GADL1: variants seen among roughly 807,000 people sequenced by gnomAD.
The protein encoded by GADL1 is acidic amino acid decarboxylase GADL1.
Under a neutral mutation model 69.5 loss-of-function variants are expected in GADL1, and 71 were observed. The observed-to-expected ratio is 1.02, with a 90% CI of 0.84 to 1.25. GADL1 has a LOEUF of 1.25. GADL1 is among the 50% of genes most tolerant of loss of function. The pLI is 0.00. For synonymous variants in GADL1, 254 were observed against 214.4 expected, an observed-to-expected ratio of 1.18 and a Z score of -1.62; for missense variants, 737 against 631.8, an observed-to-expected ratio of 1.17 and a Z score of -1.79.
At position 30,839,799 on chromosome 3, in the gene GADL1, C is replaced by T. The variant is rs183493404; in HGVS notation, c.787-686G>A. ...TGATGACTGCATCTTGTGGCATGAA[C>T]GGGTACTGGTGGGAAATAGAGAAGA... On this transcript the variant is annotated intron_variant, in intron 8 of 14. Coordinates refer to ENST00000282538, the MANE Select transcript of GADL1 (RefSeq NM_207359.3). Among the ~76,000 whole-genome samples, 160 of 151,984 alleles carry T rather than the reference C, an allele frequency of 1.1e-3. 1 individual carries two copies. The highest frequency in any genetic ancestry group is 1.8e-3 in the Non-Finnish European group (121 of 67,948).
rs557897853 is a variant in GADL1, at chr3:30,780,726, G to A, written c.1303-2458C>T. On this transcript the variant is annotated intron_variant, in intron 13 of 14. Transcript: ENST00000282538. ...AGAAACTTACTAAAAAATGCAAAAG[G>A]TCTATCACTAAGCACTTTTAGAATG... 4.6e-5 allele frequency among the ~76,000 whole-genome samples: 7 copies of A among 152,252 alleles called. 1 individual carries two copies. In the South Asian group the frequency reaches 1.0e-3, roughly 23 times the overall value.
intron 1 of GADL1, among the ~76,000 whole-genome samples, chr3:30,881,662 C>T (rs543219926): frequency 1.3e-5 from 2 of 151,774 alleles, no homozygotes; most frequent in African/African-American, 2.4e-5. Flanking sequence ...GAAAATATTA[C>T]GTTATGATCA....
rs1251639593 is a variant in GADL1, at chr3:30,746,834, A to ATTAT, written c.1393-18423_1393-18420dup. On this transcript the variant is annotated intron_variant, in intron 14 of 14. Coordinates refer to ENST00000282538, the MANE Select transcript of GADL1 (RefSeq NM_207359.3). ...GAACCAGATCTATCATATCTACAAAATTATTGTCTATAAATTCAATGTTGT... is the reference window on the plus strand; with the variant it reads ...GAACCAGATCTATCATATCTACAAAATTATTTATTGTCTATAAATTCAATGTTGT... Among the ~76,000 whole-genome samples the ATTAT allele has an allele frequency of 3.9e-5, 6 of 152,338 alleles. No individual in the cohort carries two copies. The South Asian group carries it at 1.0e-3, about 26-fold the overall frequency.
intron 14 of GADL1, among the ~76,000 whole-genome samples, chr3:30,756,277 A>C (rs950213989): frequency 1.3e-5 from 2 of 152,176 alleles, no homozygotes; most frequent in African/African-American, 4.8e-5. Context: ...ATCTGGCCTC[A>C]GTTTCCTCCT....
chr3:30,778,098 C>T, intron 14 of GADL1, 81 bp downstream of exon 14: 5 of 801,542 alleles, frequency 6.2e-6, no homozygotes, highest in South Asian at 6.0e-5. Flanking sequence ...CTTGCTAGGC[C>T]CTCTTATTTA....
At chr3:30,775,393 A>G (rs971298296) in intron 14 of GADL1, among the ~76,000 whole-genome samples, 3 of 152,252 alleles carry the variant, frequency 2.0e-5, no homozygotes, top group Non-Finnish European at 1.5e-5. Context: ...TAAGTACACT[A>G]CAGGTTATAA....
rs1020510383 is a variant in GADL1, at chr3:30,726,890, T to C, written c.*1352A>G. ...ACTCTCAGGAGAAATGGAGGAAGCA[T>C]TTACACTGAAAGTCTGCTGAATCCC... On this transcript the variant is annotated 3_prime_UTR_variant, in exon 15 of 15. Coordinates refer to ENST00000282538, the MANE Select transcript of GADL1 (RefSeq NM_207359.3). 2 of 152,442 alleles carry C rather than the reference T, an allele frequency of 1.3e-5. No individual in the cohort carries two copies. Among genetic ancestry groups the C allele is most frequent in the African/African-American group, 4.8e-5 (2 of 41,412 alleles). 9.4% of individuals were successfully genotyped at this position (152,442 alleles called of 1,614,324 possible).
chr3:30,796,440 C>A (rs981875156), intron 12 of GADL1, among the ~76,000 whole-genome samples: 1 of 152,076 alleles, frequency 6.6e-6, no homozygotes, highest in Non-Finnish European at 1.5e-5. Flanking sequence ...TCCCCAGTGC[C>A]GAGAGAGAGC....
intron 14 of GADL1, among the ~76,000 whole-genome samples, chr3:30,749,605 A>G (rs554356199): frequency 1.3e-5 from 2 of 152,292 alleles, no homozygotes; most frequent in East Asian, 1.9e-4. Flanking sequence ...AAACATTCCA[A>G]CTGTGCTTCC....
intron 1 of GADL1, among the ~76,000 whole-genome samples, chr3:30,861,977 A>T (rs1698327591): frequency 6.6e-6 from 1 of 151,968 alleles, no homozygotes; most frequent in Admixed American, 6.6e-5. Context: ...CAATTTATGG[A>T]TTAAGTAAAT....
intron 11 of GADL1, among the ~76,000 whole-genome samples, chr3:30,811,290 G>A (rs867957954): frequency 1.3e-5 from 2 of 152,128 alleles, no homozygotes; most frequent in Admixed American, 1.3e-4. Context: ...AAACCATAAC[G>A]CTGCCTACAA....
intron 8 of GADL1, 70 bp downstream of exon 8, chr3:30,844,140 C>T: frequency 8.3e-7 from 1 of 1,209,956 alleles, no homozygotes; most frequent in Non-Finnish European, 1.2e-6. Context: ...TATTCCCTCT[C>T]TTTCATAAGC....
intron 4 of GADL1, among the ~76,000 whole-genome samples, chr3:30,854,149 C>G (rs928379676): frequency 3.9e-5 from 6 of 152,138 alleles, no homozygotes; most frequent in African/African-American, 1.4e-4. Context: ...TAGAACTCAT[C>G]CCTCACCTTA....
At chr3:30,855,335 A>G (rs1057344168) in intron 3 of GADL1, among the ~76,000 whole-genome samples, 1 of 152,072 alleles carries the variant, frequency 6.6e-6, no homozygotes, top group Non-Finnish European at 1.5e-5. Flanking sequence ...AATTATTTGA[A>G]CACTATTTGT....
chr3:30,754,310 A>G (rs1331043480), intron 14 of GADL1, among the ~76,000 whole-genome samples: 1 of 152,184 alleles, frequency 6.6e-6, no homozygotes, highest in Non-Finnish European at 1.5e-5. Context: ...GGAACAAACT[A>G]TAATTCTGTC....
intron 12 of GADL1, among the ~76,000 whole-genome samples, chr3:30,790,843 G>A (rs2125501881): frequency 6.6e-6 from 1 of 152,162 alleles, no homozygotes; most frequent in African/African-American, 2.4e-5. Flanking sequence ...TTCATAAGTA[G>A]GGAATTAAAA....
intron 14 of GADL1, among the ~76,000 whole-genome samples, chr3:30,733,227 T>C (rs1396199208): frequency 6.6e-6 from 1 of 152,210 alleles, no homozygotes; most frequent in African/African-American, 2.4e-5. Flanking sequence ...GCTAATCTGT[T>C]AAGGTTGCTA....
chr3:30,800,802 GATAGACAC>G (rs1167451271), intron 12 of GADL1, 79 bp downstream of exon 12: 18 of 1,007,614 alleles, frequency 1.8e-5, no homozygotes, highest in African/African-American at 4.6e-5. Flanking sequence ...TACAGACACA[GATAGACAC>G]ACACACACAC....
intron 8 of GADL1, among the ~76,000 whole-genome samples, chr3:30,841,755 G>A (rs1393706571): frequency 1.3e-5 from 2 of 152,124 alleles, no homozygotes; most frequent in Admixed American, 6.5e-5. Flanking sequence ...CTGATGGAGT[G>A]GAGGGTATTG....
Sources: allele counts gnomAD v4.1 joint callset (sites outside exome capture counted in the v4.1 genomes callset), GRCh38; gene constraint gnomAD v4.1.1; transcripts MANE v1.5; gene names NCBI Gene and HGNC (gene_info 2026-07-23, HGNC 2026-07-21).